Variants in FOXK2 observed in about 807,000 individuals in gnomAD.
FOXK2 encodes the protein forkhead box K2.
In FOXK2, 24 loss-of-function variants were observed where a neutral mutation model predicts 53.3. The observed-to-expected ratio is 0.45, with a 90% CI of 0.33 to 0.63. FOXK2 has a LOEUF of 0.63. Ranked by LOEUF, FOXK2 falls within the 30% of genes least tolerant of loss-of-function variation. The pLI, the probability that FOXK2 is intolerant of heterozygous loss-of-function variation, is 0.03. For missense variants in FOXK2, 952 were observed against 910.5 expected (o/e 1.05, Z -0.59); for synonymous variants, 505 against 407.1 (o/e 1.24, Z -2.89).
In FOXK2 at chr17:82,586,069, T is replaced by A. The variant is rs758141279; in HGVS notation, c.1445T>A (p.Val482Asp). ...GTCCACCAGATCCCAGCGGTGTCGGTCACCAGTGTGGCCGGACTGGCCCCA... is the reference window on the plus strand; with the variant it reads ...GTCCACCAGATCCCAGCGGTGTCGGACACCAGTGTGGCCGGACTGGCCCCA... ...HVVHQIPAVS[V>D]TSVAGLAPAN... Residue 482 changes from valine to aspartate, a missense_variant, in exon 7 of 9, where the codon GTC becomes GAC. Transcript: ENST00000335255. 6.8e-6 allele frequency: 11 copies of A among 1,612,726 alleles called. No homozygotes were observed. In the South Asian group the frequency reaches 1.2e-4, roughly 18 times the overall value.
chr17:82,550,237 T>G (rs1226933390), intron 1 of FOXK2, among the ~76,000 whole-genome samples: 1 of 152,164 alleles, frequency 6.6e-6, no homozygotes, highest in African/African-American at 2.4e-5. Context: ...TTATGTCTTC[T>G]GTGGATTCCT....
At chr17:82,550,773 G>A (rs1157350624) in intron 1 of FOXK2, among the ~76,000 whole-genome samples, 1 of 152,092 alleles carries the variant, frequency 6.6e-6, no homozygotes, top group Non-Finnish European at 1.5e-5. Flanking sequence ...CCAAAGTGCT[G>A]GGATGACAGG....
At chr17:82,574,881 C>T (rs1389481987) in intron 4 of FOXK2, among the ~76,000 whole-genome samples, 1 of 152,146 alleles carries the variant, frequency 6.6e-6, no homozygotes. Flanking sequence ...TGAAAAGATG[C>T]CATATGTCTT....
chr17:82,601,186 G>T, intron 8 of FOXK2, 117 bp from the exon 9 acceptor site: 3 of 1,107,978 alleles, frequency 2.7e-6, no homozygotes, highest in Non-Finnish European at 3.9e-6. Flanking sequence ...TAGAGGGCGA[G>T]AGTTCACATG....
chr17:82,574,453 T>G (rs943792477), intron 4 of FOXK2, among the ~76,000 whole-genome samples: 2 of 152,112 alleles, frequency 1.3e-5, no homozygotes, highest in African/African-American at 4.8e-5. Context: ...CATGAGTAGC[T>G]GGGACTACAG....
chr17:82,562,441 G>A (rs192333453), intron 1 of FOXK2, among the ~76,000 whole-genome samples: 187 of 152,256 alleles, frequency 1.2e-3, no homozygotes, highest in African/African-American at 4.4e-3. Flanking sequence ...TTAGCCGGGC[G>A]TGGTAGTGCA....
chr17:82,572,451 C>G lies in FOXK2; in HGVS notation c.909+581C>G, dbSNP rs1309991485. On this transcript the variant is annotated intron_variant, in intron 4 of 8. Coordinates refer to ENST00000335255, the MANE Select transcript of FOXK2 (RefSeq NM_004514.4). The stretch of plus-strand genomic sequence containing the variant: ...CTACCCCCAAGAGACACTTTGAAAT[C>G]TGCAAAATATTCCCTTTGGTCAGCT... Among the ~76,000 whole-genome samples, 3 of 151,904 alleles carry G rather than the reference C, an allele frequency of 2.0e-5. No individual in the cohort carries two copies. In the East Asian group the frequency reaches 5.8e-4, roughly 29 times the overall value.
intron 2 of FOXK2, among the ~76,000 whole-genome samples, chr17:82,565,284 C>A (rs2044841110): frequency 6.6e-6 from 1 of 152,072 alleles, no homozygotes; most frequent in Admixed American, 6.6e-5. Context: ...GGATTTGATA[C>A]CAAAGGCACA....
At chr17:82,544,555 A>C (rs918200045) in intron 1 of FOXK2, among the ~76,000 whole-genome samples, 3 of 152,188 alleles carry the variant, frequency 2.0e-5, no homozygotes, top group African/African-American at 7.2e-5. Context: ...GCGTCATCCA[A>C]CATGTGAGCA....
chr17:82,583,374 G>A (rs561403595), intron 5 of FOXK2, among the ~76,000 whole-genome samples: 124 of 152,270 alleles, frequency 8.1e-4, no homozygotes, highest in Admixed American at 1.4e-3. Context: ...GTCAAACCCC[G>A]TCTCTACTAA....
In FOXK2 at chr17:82,572,914, G is replaced by A. The variant is rs184466205; in HGVS notation, c.909+1044G>A. ...TATGTTAAAAAATAGCCTACCGGCCGGGCACAGTAACTCATGCCTATAATT... is the reference window on the plus strand; with the variant it reads ...TATGTTAAAAAATAGCCTACCGGCCAGGCACAGTAACTCATGCCTATAATT... On this transcript the variant is annotated intron_variant, in intron 4 of 8. Transcript: ENST00000335255. Among the ~76,000 whole-genome samples, 584 of 152,206 alleles carry A rather than the reference G, an allele frequency of 3.8e-3. 10 individuals are homozygous for A. Among genetic ancestry groups the A allele is most frequent in the Admixed American group, 0.034 (516 of 15,278 alleles).
chr17:82,564,548 A>T (rs561021371), intron 2 of FOXK2, among the ~76,000 whole-genome samples: 1 of 151,788 alleles, frequency 6.6e-6, no homozygotes, highest in Admixed American at 6.6e-5. Flanking sequence ...GATTCTTTTT[A>T]TTGGAGTATA....
At chr17:82,521,773 A>AC (rs1279414017) in intron 1 of FOXK2, among the ~76,000 whole-genome samples, 2 of 123,994 alleles carry the variant, frequency 1.6e-5, no homozygotes, top group African/African-American at 3.1e-5. Context: ...TACTAAAAAT[A>AC]CAAAAAAAAA....
At chr17:82,523,075 G>C (rs942968719) in intron 1 of FOXK2, among the ~76,000 whole-genome samples, 3 of 152,226 alleles carry the variant, frequency 2.0e-5, no homozygotes, top group Non-Finnish European at 4.4e-5. Context: ...TTACAGCTGT[G>C]AGCCACCACG....
intron 8 of FOXK2, chr17:82,593,602 A>T (rs2045279030): frequency 6.6e-6 from 1 of 152,346 alleles, no homozygotes; most frequent in African/African-American, 2.4e-5. Context: ...TTACGGTCCC[A>T]TGTCCCTCAC....
chr17:82,573,145 A>G (rs2044937744), intron 4 of FOXK2, among the ~76,000 whole-genome samples: 1 of 152,052 alleles, frequency 6.6e-6, no homozygotes, highest in Non-Finnish European at 1.5e-5. Context: ...GATATCTGTG[A>G]TCACACCACT....
chr17:82,587,531 G>A (rs1254380975), intron 8 of FOXK2: 27 of 493,022 alleles, frequency 5.5e-5, no homozygotes, highest in Non-Finnish European at 9.3e-5. Flanking sequence ...CTCGCCTCTT[G>A]TAGATTTCCT....
At chr17:82,552,311 G>A (rs558012118) in intron 1 of FOXK2, among the ~76,000 whole-genome samples, 3 of 152,290 alleles carry the variant, frequency 2.0e-5, no homozygotes, top group African/African-American at 7.2e-5. Context: ...CGCATGTTCA[G>A]TCTCTCTCCC....
At position 82,520,299 on chromosome 17, in the gene FOXK2, G is replaced by A; in HGVS notation, c.411G>A (p.Leu137=). Reference sequence around the variant, plus strand: ...GGCGCGGGGCGCCGCCGCTGCAGCTGCCGCGCGTGTGAGTGGCCTCGGGGC... The same window carrying A: ...GGCGCGGGGCGCCGCCGCTGCAGCTACCGCGCGTGTGAGTGGCCTCGGGGC... ...FQRRGAPPLQ[L]PRVCTFRFPS... Residue 137 remains leucine (L), a synonymous_variant, in exon 1 of 9, where the codon CTG becomes CTA. Coordinates refer to ENST00000335255, the MANE Select transcript of FOXK2 (RefSeq NM_004514.4). 7 of 1,261,060 alleles carry A rather than the reference G, an allele frequency of 5.6e-6. No individual in the cohort carries two copies. Among genetic ancestry groups the A allele is most frequent in the East Asian group, 3.2e-5 (1 of 31,202 alleles). The allele number at this position is 1,261,060 out of a possible 1,614,324, so 78.1% of individuals were successfully genotyped here.
Sources: allele counts gnomAD v4.1 joint callset (sites outside exome capture counted in the v4.1 genomes callset), GRCh38; gene constraint gnomAD v4.1.1; transcripts MANE v1.5; gene names NCBI Gene and HGNC (gene_info 2026-07-23, HGNC 2026-07-21).